Variants in GALNT2 observed in about 807,000 individuals in gnomAD.
GALNT2 encodes UDP-GalNAc:polypeptide N-acetylgalactosaminyltransferase 2.
A neutral mutation model predicts 81.4 loss-of-function variants in GALNT2; 31 were observed. The ratio of observed to expected loss-of-function variants is 0.38; its 90% confidence interval spans 0.29 to 0.51. The LOEUF is 0.51. GALNT2 is among the 20% of genes least tolerant of loss of function. The pLI is 0.87. For missense variants in GALNT2, 629 were observed against 765.7 expected (o/e 0.82, Z 2.11); for synonymous variants, 303 against 287.4 (o/e 1.05, Z -0.55).
intron 2 of GALNT2, among the ~76,000 whole-genome samples, chr1:230,182,932 C>T (rs1157057920): frequency 1.3e-5 from 2 of 152,102 alleles, no homozygotes; most frequent in African/African-American, 4.8e-5. Context: ...TTTTATGCTC[C>T]TTTTAGGCAC....
In GALNT2 at chr1:230,280,173, G is replaced by A; in HGVS notation, c.*715G>A. On this transcript the variant is annotated 3_prime_UTR_variant, in exon 16 of 16. Transcript: ENST00000366672. ...GCAGCTTCCGGGAGAAGGGGCCAGAGCCCGGTGGGGCCAGTTTCTCACAGA... is the reference window on the plus strand; with the variant it reads ...GCAGCTTCCGGGAGAAGGGGCCAGAACCCGGTGGGGCCAGTTTCTCACAGA... The A allele has an allele frequency of 2.7e-6, 1 of 366,178 alleles. No individual in the cohort carries two copies. Among genetic ancestry groups the A allele is most frequent in the Non-Finnish European group, 5.4e-6 (1 of 185,116 alleles). 22.7% of individuals were successfully genotyped at this position (366,178 alleles called of 1,614,324 possible).
At chr1:230,250,192 G>A (rs1188182180) in intron 9 of GALNT2, among the ~76,000 whole-genome samples, 2 of 152,186 alleles carry the variant, frequency 1.3e-5, no homozygotes, top group South Asian at 2.1e-4. Context: ...CCCAGCAGTC[G>A]CTCCCACATA....
chr1:230,159,805 C>G (rs149275867), intron 1 of GALNT2, among the ~76,000 whole-genome samples: 1 of 152,218 alleles, frequency 6.6e-6, no homozygotes, highest in East Asian at 1.9e-4. Context: ...GTGCAATGAC[C>G]CTCCTCTTCC....
At chr1:230,260,291 G>T (rs935115111) in intron 11 of GALNT2, among the ~76,000 whole-genome samples, 1 of 152,204 alleles carries the variant, frequency 6.6e-6, no homozygotes, top group Non-Finnish European at 1.5e-5. Context: ...TGTATCTGCA[G>T]CACTGAGACT....
At chr1:230,209,376 C>T (rs1418645379) in intron 3 of GALNT2, among the ~76,000 whole-genome samples, 2 of 69,826 alleles carry the variant, frequency 2.9e-5, no homozygotes, top group African/African-American at 1.8e-4. Flanking sequence ...ACCTGTCCTA[C>T]AGGACAGGTG....
At chr1:230,160,900 A>C (rs140697347) in intron 1 of GALNT2, among the ~76,000 whole-genome samples, 1 of 152,244 alleles carries the variant, frequency 6.6e-6, no homozygotes, top group Non-Finnish European at 1.5e-5. Context: ...ATAGTACTAG[A>C]TTTTGCTCCA....
chr1:230,119,339 A>C (rs1357965208), intron 1 of GALNT2, among the ~76,000 whole-genome samples: 1 of 152,072 alleles, frequency 6.6e-6, no homozygotes, highest in Non-Finnish European at 1.5e-5. Context: ...TCCGTGGGGT[A>C]GTTTTCCATG....
At chr1:230,202,231 C>T (rs538404075) in intron 2 of GALNT2, among the ~76,000 whole-genome samples, 43 of 152,252 alleles carry the variant, frequency 2.8e-4, no homozygotes, top group Admixed American at 9.2e-4. Flanking sequence ...TCAAGTCTGC[C>T]TCTCCTTCCA....
At chr1:230,073,092 C>G (rs955320612) in intron 1 of GALNT2, among the ~76,000 whole-genome samples, 1 of 152,164 alleles carries the variant, frequency 6.6e-6, no homozygotes, top group Non-Finnish European at 1.5e-5. Flanking sequence ...CATATGCAAA[C>G]CCCCCTGAAT....
At chr1:230,151,361 C>T (rs1192735663) in intron 1 of GALNT2, among the ~76,000 whole-genome samples, 2 of 152,160 alleles carry the variant, frequency 1.3e-5, no homozygotes, top group Admixed American at 6.5e-5. Context: ...AGATGAGGGT[C>T]GGATTGTCCA....
intron 1 of GALNT2, among the ~76,000 whole-genome samples, chr1:230,169,928 A>G (rs1358578224): frequency 6.6e-6 from 1 of 152,248 alleles, no homozygotes; most frequent in Non-Finnish European, 1.5e-5. Flanking sequence ...GAAACTGGAA[A>G]TGCATGGATG....
chr1:230,211,118 CT>C (rs1664219365), intron 3 of GALNT2, among the ~76,000 whole-genome samples: 1 of 152,234 alleles, frequency 6.6e-6, no homozygotes, highest in Admixed American at 6.5e-5. Context: ...TTATGTTGTA[CT>C]TCTCGGCAGC....
chr1:230,223,191 C>CTT (rs68127660), intron 3 of GALNT2, among the ~76,000 whole-genome samples: 15,768 of 139,146 alleles, frequency 0.11, 2,025 homozygotes, highest in African/African-American at 0.31. Flanking sequence ...TTTTTCTTTT[C>CTT]TTTTTTTTTT....
At chr1:230,230,991 ATCT>A (rs1176104461) in intron 3 of GALNT2, among the ~76,000 whole-genome samples, 1 of 152,032 alleles carries the variant, frequency 6.6e-6, no homozygotes, top group Non-Finnish European at 1.5e-5. Context: ...ATGTTTCCTC[ATCT>A]TCTCCCACCT....
intron 1 of GALNT2, among the ~76,000 whole-genome samples, chr1:230,173,248 G>T (rs1022545742): frequency 1.3e-5 from 2 of 152,140 alleles, no homozygotes; most frequent in Non-Finnish European, 2.9e-5. Context: ...GGCTGCGTGT[G>T]GATGCATCCA....
chr1:230,229,859 T>A (rs1307390297), intron 3 of GALNT2, among the ~76,000 whole-genome samples: 1 of 152,226 alleles, frequency 6.6e-6, no homozygotes, highest in Non-Finnish European at 1.5e-5. Flanking sequence ...TATGAATACA[T>A]ACATGGGTAG....
chr1:230,233,000 T>C (rs1664914583), intron 3 of GALNT2, among the ~76,000 whole-genome samples: 1 of 152,202 alleles, frequency 6.6e-6, no homozygotes, highest in African/African-American at 2.4e-5. Context: ...TCTGACCTAA[T>C]TGCTTTTTAA....
chr1:230,220,693 G>T (rs551202927), intron 3 of GALNT2, among the ~76,000 whole-genome samples: 22 of 152,260 alleles, frequency 1.4e-4, no homozygotes, highest in African/African-American at 5.3e-4. Flanking sequence ...GGAGGCCAGC[G>T]CATGGTGGTG....
chr1:230,238,716 G>A (rs1665106129), intron 6 of GALNT2, among the ~76,000 whole-genome samples: 1 of 152,098 alleles, frequency 6.6e-6, no homozygotes, highest in Non-Finnish European at 1.5e-5. Flanking sequence ...CCTAGCATAA[G>A]CCCCAGTTGG....
Sources: gnomAD v4.1 joint callset for allele counts (sites outside exome capture counted in the v4.1 genomes callset) on GRCh38, gnomAD v4.1.1 for gene constraint, MANE v1.5 for transcripts, NCBI Gene and HGNC (gene_info 2026-07-23, HGNC 2026-07-21) for gene names.